CDKAL1: variants seen among roughly 807,000 people sequenced by gnomAD.
The protein encoded by CDKAL1 is CDKAL1 threonylcarbamoyladenosine tRNA methylthiotransferase, also known as threonylcarbamoyladenosine tRNA methylthiotransferase.
In CDKAL1, 32 loss-of-function variants were observed where a neutral mutation model predicts 68.2. That is an observed-to-expected ratio of 0.47 (90% CI 0.35 to 0.63). The LOEUF is 0.63. Ranked by LOEUF, CDKAL1 falls within the 30% of genes least tolerant of loss-of-function variation. The pLI is 0.00. For missense variants in CDKAL1, 606 were observed against 696.7 expected, an observed-to-expected ratio of 0.87 and a Z score of 1.47; for synonymous variants, 234 against 244.3, an observed-to-expected ratio of 0.96 and a Z score of 0.39.
At chr6:20,552,427 C>T (rs985610943) in intron 4 of CDKAL1, among the ~76,000 whole-genome samples, 1 of 151,532 alleles carries the variant, frequency 6.6e-6, no homozygotes, top group Non-Finnish European at 1.5e-5. Context: ...TATTAAATAT[C>T]TAATACATTT....
At chr6:20,567,230 A>T (rs1764496596) in intron 4 of CDKAL1, among the ~76,000 whole-genome samples, 1 of 149,284 alleles carries the variant, frequency 6.7e-6, no homozygotes, top group African/African-American at 2.4e-5. Context: ...GTAATGGCAA[A>T]GACCACGATT....
chr6:20,692,041 T>A (rs1770894217), intron 5 of CDKAL1, among the ~76,000 whole-genome samples: 2 of 152,316 alleles, frequency 1.3e-5, no homozygotes, highest in South Asian at 4.1e-4. Flanking sequence ...ACTTTTGTCT[T>A]ATAGGATTTG....
chr6:20,839,917 T>C (rs908886990), intron 8 of CDKAL1, among the ~76,000 whole-genome samples: 14 of 152,200 alleles, frequency 9.2e-5, no homozygotes, highest in Non-Finnish European at 1.5e-4. Flanking sequence ...TACAAGTCAC[T>C]GTGTTAAATG....
chr6:20,565,145 A>G (rs1349927524), intron 4 of CDKAL1, among the ~76,000 whole-genome samples: 2 of 151,982 alleles, frequency 1.3e-5, no homozygotes, highest in Non-Finnish European at 2.9e-5. Flanking sequence ...CTATCTATAT[A>G]TATATATATT....
intron 7 of CDKAL1, among the ~76,000 whole-genome samples, chr6:20,779,084 A>C (rs1175000967): frequency 1.3e-5 from 2 of 152,210 alleles, no homozygotes; most frequent in African/African-American, 4.8e-5. Flanking sequence ...TTCAAACCAC[A>C]GTCATATACC....
intron 12 of CDKAL1, among the ~76,000 whole-genome samples, chr6:21,091,854 T>G (rs1377976209): frequency 2.4e-5 from 3 of 124,420 alleles, no homozygotes; most frequent in African/African-American, 6.3e-5. Flanking sequence ...GGCTCAGAAC[T>G]TTCTTTTTTT....
intron 8 of CDKAL1, among the ~76,000 whole-genome samples, chr6:20,784,211 TA>T (rs1177608844): frequency 0.013 from 1,747 of 135,376 alleles, 17 homozygotes; most frequent in African/African-American, 0.038. Context: ...GACTCCGTCT[TA>T]AAAAAAAAAA....
chr6:20,913,904 T>C (rs561026359), intron 9 of CDKAL1, among the ~76,000 whole-genome samples: 1 of 151,624 alleles, frequency 6.6e-6, no homozygotes, highest in African/African-American at 2.4e-5. Context: ...GCAGGAAGGA[T>C]TGCTTGAGCC....
intron 7 of CDKAL1, among the ~76,000 whole-genome samples, chr6:20,768,926 C>G (rs547117589): frequency 1.1e-4 from 16 of 152,124 alleles, no homozygotes; most frequent in Non-Finnish European, 1.8e-4. Flanking sequence ...TCAATCCAGA[C>G]TATTGGGAAA....
intron 5 of CDKAL1, among the ~76,000 whole-genome samples, chr6:20,652,194 G>A (rs983560976): frequency 6.6e-6 from 1 of 152,082 alleles, no homozygotes; most frequent in Non-Finnish European, 1.5e-5. Flanking sequence ...TTTCTAATAA[G>A]TAATTTCAGT....
chr6:20,756,948 C>T (rs1396842710), intron 6 of CDKAL1, among the ~76,000 whole-genome samples: 1 of 145,474 alleles, frequency 6.9e-6, no homozygotes, highest in African/African-American at 2.5e-5. Context: ...TTCCCTCCTT[C>T]CTTCCTTCCT....
chr6:21,152,404 C>A (rs570588987), intron 13 of CDKAL1, among the ~76,000 whole-genome samples: 4 of 152,224 alleles, frequency 2.6e-5, no homozygotes, highest in Non-Finnish European at 5.9e-5. Context: ...TACAGGCATT[C>A]AGCCAAGTAA....
intron 4 of CDKAL1, among the ~76,000 whole-genome samples, chr6:20,552,340 C>T (rs1410518296): frequency 6.7e-6 from 1 of 150,166 alleles, no homozygotes; most frequent in Non-Finnish European, 1.5e-5. Flanking sequence ...GAGTGAGATC[C>T]TATCTCAAAA....
intron 13 of CDKAL1, among the ~76,000 whole-genome samples, chr6:21,142,619 G>C (rs1464407340): frequency 1.3e-5 from 2 of 152,176 alleles, no homozygotes; most frequent in Admixed American, 1.3e-4. Context: ...ATAGTGCCAG[G>C]TATTATGAAG....
intron 7 of CDKAL1, 86 bp downstream of exon 7, chr6:20,758,729 C>G: frequency 1.1e-6 from 1 of 941,394 alleles, no homozygotes; most frequent in Middle Eastern, 2.2e-4. Flanking sequence ...TTGCCAGGCA[C>G]CTTTATAAAA....
chr6:21,040,849 T>C (rs1203349912), intron 11 of CDKAL1, among the ~76,000 whole-genome samples: 2 of 152,100 alleles, frequency 1.3e-5, no homozygotes, highest in Admixed American at 1.3e-4. Flanking sequence ...CTCACTTCCC[T>C]CTCTTTTTCA....
chr6:20,657,270 G>A (rs1251830367), intron 5 of CDKAL1, among the ~76,000 whole-genome samples: 1 of 152,170 alleles, frequency 6.6e-6, no homozygotes, highest in African/African-American at 2.4e-5. Flanking sequence ...TTCCATGAGA[G>A]TGAGGTAAAG....
chr6:20,544,948 G>T (rs1321589728), intron 2 of CDKAL1, among the ~76,000 whole-genome samples: 1 of 145,994 alleles, frequency 6.8e-6, no homozygotes, highest in Non-Finnish European at 1.5e-5. Flanking sequence ...AGCGTGCCTG[G>T]GGGTGGGATT....
At chr6:20,721,996 G>T (rs538355809) in intron 5 of CDKAL1, among the ~76,000 whole-genome samples, 2 of 152,144 alleles carry the variant, frequency 1.3e-5, no homozygotes, top group South Asian at 4.2e-4. Context: ...CTCCCAAAAT[G>T]CTGGGATTAC....
Sources: allele counts gnomAD v4.1 joint callset (sites outside exome capture counted in the v4.1 genomes callset), GRCh38; gene constraint gnomAD v4.1.1; transcripts MANE v1.5; gene names NCBI Gene and HGNC (gene_info 2026-07-23, HGNC 2026-07-21).